Variants in TIAM1 observed in about 807,000 individuals in gnomAD.
TIAM1 encodes the protein TIAM Rac1 associated GEF 1, also known as rho guanine nucleotide exchange factor TIAM1.
Under a neutral mutation model 163.5 loss-of-function variants are expected in TIAM1, and 65 were observed. That is an observed-to-expected ratio of 0.40 (90% CI 0.33 to 0.49). TIAM1 has a LOEUF of 0.49. Ranked by LOEUF, TIAM1 falls within the 20% of genes least tolerant of loss-of-function variation. The pLI, the probability that TIAM1 is intolerant of heterozygous loss-of-function variation, is 0.77. For synonymous variants in TIAM1, 833 were observed against 810.1 expected (o/e 1.03, Z -0.48); for missense variants, 1,789 against 2,044.7 (o/e 0.87, Z 2.41).
At chr21:31,273,138 G>C (rs2073137810) in intron 3 of TIAM1, among the ~76,000 whole-genome samples, 1 of 152,166 alleles carries the variant, frequency 6.6e-6, no homozygotes, top group Non-Finnish European at 1.5e-5. Context: ...TTAAGGGTGA[G>C]TTTCCTATTT....
At chr21:31,516,485 A>C (rs974261047) in intron 1 of TIAM1, among the ~76,000 whole-genome samples, 2 of 152,154 alleles carry the variant, frequency 1.3e-5, no homozygotes, top group Non-Finnish European at 1.5e-5. Context: ...ATGTCTCAAA[A>C]GGAGTCTTCA....
intron 1 of TIAM1, among the ~76,000 whole-genome samples, chr21:31,489,299 G>A (rs2046376853): frequency 7.2e-6 from 1 of 139,522 alleles, no homozygotes; most frequent in Admixed American, 7.4e-5. Context: ...GAACCCAGGA[G>A]TTCAAGGCTG....
At chr21:31,217,512 T>C (rs2087286906) in intron 9 of TIAM1, 41 bp downstream of exon 9, 4 of 1,593,642 alleles carry the variant, frequency 2.5e-6, no homozygotes, top group Non-Finnish European at 3.4e-6. Context: ...GCCACAGAAG[T>C]GATTTGTGCG....
chr21:31,415,278 T>C (rs1206172650), intron 2 of TIAM1, among the ~76,000 whole-genome samples: 1 of 152,214 alleles, frequency 6.6e-6, no homozygotes, highest in African/African-American at 2.4e-5. Context: ...TTGGTTATCT[T>C]ATTAACAACA....
chr21:31,234,027 T>C (rs544480020), intron 6 of TIAM1, among the ~76,000 whole-genome samples: 10 of 152,292 alleles, frequency 6.6e-5, no homozygotes, highest in South Asian at 6.2e-4. Flanking sequence ...AAGGTCCCAG[T>C]ACTTCTAATG....
At chr21:31,415,558 T>C (rs553778860) in intron 2 of TIAM1, among the ~76,000 whole-genome samples, 1 of 152,260 alleles carries the variant, frequency 6.6e-6, no homozygotes, top group South Asian at 2.1e-4. Flanking sequence ...CCAACTAAAA[T>C]ACAACACACT....
chr21:31,255,719 G>C (rs2072062715), intron 4 of TIAM1, among the ~76,000 whole-genome samples: 1 of 152,222 alleles, frequency 6.6e-6, no homozygotes, highest in African/African-American at 2.4e-5. Flanking sequence ...GACATCAAGG[G>C]AGATGGTAAG....
intron 2 of TIAM1, among the ~76,000 whole-genome samples, chr21:31,449,158 T>C (rs2044735578): frequency 6.6e-6 from 1 of 151,974 alleles, no homozygotes; most frequent in Non-Finnish European, 1.5e-5. Context: ...AAAGATGGGG[T>C]TTCACCATGT....
intron 2 of TIAM1, among the ~76,000 whole-genome samples, chr21:31,337,782 G>A (rs982164596): frequency 1.3e-5 from 2 of 151,788 alleles, no homozygotes; most frequent in Non-Finnish European, 2.9e-5. Context: ...CGCCCACCTC[G>A]GCCTCCCTAA....
At chr21:31,295,195 G>A (rs1323221663) in intron 2 of TIAM1, among the ~76,000 whole-genome samples, 2 of 152,312 alleles carry the variant, frequency 1.3e-5, no homozygotes, top group South Asian at 2.1e-4. Flanking sequence ...AAAGGGCCAG[G>A]TGCGGTGGCT....
Position 31,251,790 on chromosome 21 carries a change from C to T in TIAM1, c.1363G>A (p.Glu455Lys). 1 of 1,609,652 alleles carries T rather than the reference C, an allele frequency of 6.2e-7. No homozygotes were observed. Among genetic ancestry groups the T allele is most frequent in the Non-Finnish European group, 8.5e-7 (1 of 1,176,648 alleles). ...TTCCACTTCCTCCGGGTGGCTGACT[C>T]CACCTTCTTGTTCTTCTTGTGCACC... ...FLVHKKNKKV[E>K]SATRRKWKHY... The change falls in exon 5 of 28, where the codon GAG becomes AAG. Residue 455 changes from glutamate (E) to lysine (K), a missense_variant. This residue lies in a region of TIAM1 where 456 missense variants were observed against 586.6 expected (regional missense o/e 0.78). Coordinates refer to ENST00000541036, the MANE Select transcript of TIAM1 (RefSeq NM_001353694.2).
chr21:31,460,387 G>A (rs565350652), intron 2 of TIAM1, among the ~76,000 whole-genome samples: 62 of 152,346 alleles, frequency 4.1e-4, no homozygotes, highest in Admixed American at 3.1e-3. Flanking sequence ...AGCACTTTGC[G>A]AAGCTGAGGC....
intron 1 of TIAM1, among the ~76,000 whole-genome samples, chr21:31,467,691 G>T (rs1268994453): frequency 6.6e-6 from 1 of 151,784 alleles, no homozygotes; most frequent in Non-Finnish European, 1.5e-5. Flanking sequence ...CAGGCATGGT[G>T]GCATGCCTGT....
intron 12 of TIAM1, among the ~76,000 whole-genome samples, chr21:31,195,885 G>A (rs1361825519): frequency 6.6e-6 from 1 of 152,004 alleles, no homozygotes; most frequent in Non-Finnish European, 1.5e-5. Flanking sequence ...TTATGACTAA[G>A]TCCTCAAAAG....
chr21:31,236,423 G>T (rs2088765963), intron 6 of TIAM1, among the ~76,000 whole-genome samples: 1 of 152,134 alleles, frequency 6.6e-6, no homozygotes, highest in Non-Finnish European at 1.5e-5. Context: ...CTTAGCTACA[G>T]ACTAAGTCAA....
At chr21:31,410,063 G>A (rs1310769220) in intron 2 of TIAM1, among the ~76,000 whole-genome samples, 1 of 151,914 alleles carries the variant, frequency 6.6e-6, no homozygotes, top group Admixed American at 6.6e-5. Context: ...TAAAGTCAAT[G>A]GAGGCAGCAC....
chr21:31,513,281 C>T (rs1337703085), intron 1 of TIAM1, among the ~76,000 whole-genome samples: 1 of 152,068 alleles, frequency 6.6e-6, no homozygotes, highest in Non-Finnish European at 1.5e-5. Flanking sequence ...TATATGACAC[C>T]ATTTTACAGG....
At chr21:31,340,862 C>T (rs1278572178) in intron 1 of TIAM1, among the ~76,000 whole-genome samples, 1 of 146,390 alleles carries the variant, frequency 6.8e-6, no homozygotes. Context: ...ATGAGACAAA[C>T]TGAGAGGAAA....
At chr21:31,138,208 T>C (rs1415465070) in intron 22 of TIAM1, among the ~76,000 whole-genome samples, 6 of 152,146 alleles carry the variant, frequency 3.9e-5, no homozygotes, top group Admixed American at 6.5e-5. Flanking sequence ...TTCTTCCTCC[T>C]AGTTAAGCAA....
Sources: allele counts gnomAD v4.1 joint callset (sites outside exome capture counted in the v4.1 genomes callset), GRCh38; gene constraint gnomAD v4.1.1; regional missense constraint gnomAD v4.1.1; transcripts MANE v1.5; gene names NCBI Gene and HGNC (gene_info 2026-07-23, HGNC 2026-07-21).